The following FRY variants were observed in gnomAD, a reference collection of about 807,000 sequenced individuals.
FRY encodes FRY microtubule binding protein, also known as protein furry homolog.
In FRY, 128 loss-of-function variants were observed where a neutral mutation model predicts 348.4. The observed-to-expected ratio is 0.37, with a 90% CI of 0.32 to 0.43. FRY has a LOEUF of 0.43. Among genes scored for constraint, FRY ranks in the 20% least tolerant of loss-of-function variants. The probability of loss-of-function intolerance (pLI) is 1.00; values close to 1 mark genes in which losing one functional copy is unlikely to be tolerated. For missense variants in FRY, 2,736 were observed against 3,695.2 expected (o/e 0.74, Z 6.73); for synonymous variants, 1,370 against 1,374.7 (o/e 1.00, Z 0.08).
intron 51 of FRY, among the ~76,000 whole-genome samples, chr13:32,261,085 C>G (rs1304802795): frequency 2.0e-5 from 3 of 152,230 alleles, no homozygotes; most frequent in Non-Finnish European, 4.4e-5. Context: ...GTCTTTAACT[C>G]TGCATTGTAT....
chr13:32,033,503 C>T lies in FRY; in HGVS notation c.70+1638C>T, dbSNP rs116829819. Among the ~76,000 whole-genome samples the T allele has an allele frequency of 4.5e-3, 691 of 152,270 alleles. 6 individuals carry two copies. Among genetic ancestry groups the T allele is most frequent in the African/African-American group, 0.015 (634 of 41,558 alleles). On this transcript the variant is annotated intron_variant, in intron 1 of 60. Coordinates refer to ENST00000542859, the MANE Select transcript of FRY (RefSeq NM_023037.3). The stretch of plus-strand genomic sequence containing the variant: ...AAATTTCTCTCCCCTTGTCTATTTT[C>T]AAATCACTCTAGATAAAGTATATAT...
At chr13:32,183,496 G>A (rs1882831799) in intron 24 of FRY, among the ~76,000 whole-genome samples, 1 of 152,216 alleles carries the variant, frequency 6.6e-6, no homozygotes, top group African/African-American at 2.4e-5. Context: ...ACTAGAAAAG[G>A]GCCAGGCGCG....
chr13:32,225,404 T>A (rs1472537708), intron 38 of FRY, among the ~76,000 whole-genome samples: 1 of 152,134 alleles, frequency 6.6e-6, no homozygotes, highest in African/African-American at 2.4e-5. Context: ...CCCTGAGCTT[T>A]GTAGAGCAAA....
At chr13:32,294,184 A>G (rs1348655900) in intron 59 of FRY, among the ~76,000 whole-genome samples, 184 bp from the exon 60 acceptor site, 1 of 152,184 alleles carries the variant, frequency 6.6e-6, no homozygotes, top group East Asian at 1.9e-4. Context: ...ACACATACTC[A>G]ATGCATCCAA....
intron 3 of FRY, among the ~76,000 whole-genome samples, chr13:32,116,731 A>G (rs574472316): frequency 7.2e-5 from 11 of 152,298 alleles, no homozygotes; most frequent in East Asian, 1.9e-4. Context: ...TAGAATAACA[A>G]TTCTACCAAA....
At chr13:32,076,415 A>G (rs1018764295) in intron 1 of FRY, among the ~76,000 whole-genome samples, 9 of 152,152 alleles carry the variant, frequency 5.9e-5, no homozygotes, top group Non-Finnish European at 1.3e-4. Context: ...TCCTTCTCTA[A>G]GCTGGTGTTG....
At chr13:32,236,040 A>G (rs373991939) in intron 42 of FRY, 38 bp from the exon 43 acceptor site, 2 of 1,276,698 alleles carry the variant, frequency 1.6e-6, no homozygotes, top group Non-Finnish European at 2.3e-6. Flanking sequence ...AACAATGGTT[A>G]CAAGCAATAC....
At chr13:32,205,744 G>A (rs61426779) in intron 31 of FRY, among the ~76,000 whole-genome samples, 1,996 of 152,166 alleles carry the variant, frequency 0.013, 46 homozygotes, top group African/African-American at 0.045. Flanking sequence ...AGAAGAGGGA[G>A]TATCAAGATT....
intron 1 of FRY, among the ~76,000 whole-genome samples, chr13:32,040,822 T>G (rs1872718602): frequency 6.6e-6 from 1 of 152,190 alleles, no homozygotes; most frequent in African/African-American, 2.4e-5. Context: ...TTTTTAAATA[T>G]ATGATGATAC....
At position 32,185,121 on chromosome 13, in the gene FRY, G is replaced by A; in HGVS notation, c.3292G>A (p.Val1098Met). The change falls in exon 26 of 61, where the codon GTG (valine) becomes ATG (methionine). Residue 1098 changes from valine (V) to methionine (M), a missense_variant. Coordinates refer to ENST00000542859, the MANE Select transcript of FRY (RefSeq NM_023037.3). ...TATCCGGGCACATTTTAGTGCAATG[G>A]TGGCCAACTTGATTCAGTGTGTTCC... ...KDIRAHFSAM[V>M]ANLIQCVPVH... is the part of the protein sequence containing the mutation. 1.2e-6 allele frequency: 2 copies of A among 1,614,084 alleles called. No individual in the cohort carries two copies. Among genetic ancestry groups the A allele is most frequent in the South Asian group, 1.1e-5 (1 of 91,084 alleles).
At position 32,265,560 on chromosome 13, in the gene FRY, C is replaced by T; in HGVS notation, c.7890C>T (p.Asp2630=). The change falls in exon 54 of 61, where the codon GAC becomes GAT. Residue 2630 remains aspartate (D), a synonymous_variant. Coordinates refer to ENST00000542859, the MANE Select transcript of FRY (RefSeq NM_023037.3). ...AATGCAGCGACAGCTTTAGCCTGGA[C>T]ATGACTGAGGGGGAAGAAAAAGGCA... ...AFECSDSFSL[D]MTEGEEKGNR... The T allele has an allele frequency of 1.2e-6, 2 of 1,614,206 alleles. No individual in the cohort carries two copies. The highest frequency in any genetic ancestry group is 1.7e-6 in the Non-Finnish European group (2 of 1,180,042).
At chr13:32,243,605 A>G (rs1213000879) in intron 46 of FRY, among the ~76,000 whole-genome samples, 1 of 152,208 alleles carries the variant, frequency 6.6e-6, no homozygotes, top group Non-Finnish European at 1.5e-5. Context: ...CAGTTTGATA[A>G]CTGACAGATT....
In FRY at chr13:32,131,663, T is replaced by C; in HGVS notation, c.717-9T>C. On this transcript the variant is annotated splice_polypyrimidine_tract_variant and intron_variant, in intron 7 of 60. Transcript: ENST00000542859. ...AATATTTGATAAACCACTTATGTTA[T>C]CTTCTTAGATTCCCTGCTGTAAAGA... 1.2e-6 allele frequency: 2 copies of C among 1,609,958 alleles called. No individual in the cohort carries two copies. The highest frequency in any genetic ancestry group is 1.7e-6 in the Non-Finnish European group (2 of 1,177,010).
chr13:32,053,067 C>T lies in FRY; in HGVS notation c.70+21202C>T, dbSNP rs189925620. On this transcript the variant is annotated intron_variant, in intron 1 of 60. Coordinates refer to ENST00000542859, the MANE Select transcript of FRY (RefSeq NM_023037.3). ...GGCGGAGGTCGCAATGAGCTGAGAT[C>T]GCACCACTGCACTCCAGCCTGGAAA... 1.3e-4 allele frequency among the ~76,000 whole-genome samples: 20 copies of T among 151,654 alleles called. No homozygotes were observed. The East Asian group carries it at 3.9e-3, about 30-fold the overall frequency.
chr13:32,136,049 C>A (rs866163226), intron 10 of FRY, among the ~76,000 whole-genome samples: 1 of 141,126 alleles, frequency 7.1e-6, no homozygotes, highest in Non-Finnish European at 1.5e-5. Context: ...TAAAAAAAAA[C>A]GACTAATGAA....
Position 32,275,191 on chromosome 13 carries a change from A to C in FRY, c.8286+200A>C, listed in dbSNP as rs571394674. 357 of 473,912 alleles carry C rather than the reference A, an allele frequency of 7.5e-4. 7 individuals carry two copies. Among genetic ancestry groups the C allele is most frequent in the South Asian group, 7.1e-3 (336 of 47,218 alleles). 29.4% of individuals were successfully genotyped at this position (473,912 alleles called of 1,614,324 possible). On this transcript the variant is annotated intron_variant, in intron 56 of 60. Transcript: ENST00000542859. ...CAGGAGATCGAGACCATCCTGGCTAACACGGTGAAACCCCGTATCTATTAA... is the reference window on the plus strand; with the variant it reads ...CAGGAGATCGAGACCATCCTGGCTACCACGGTGAAACCCCGTATCTATTAA...
At chr13:32,067,286 G>A (rs762292802) in intron 1 of FRY, among the ~76,000 whole-genome samples, 31 of 152,198 alleles carry the variant, frequency 2.0e-4, no homozygotes, top group South Asian at 4.1e-4. Flanking sequence ...CACCTACTGC[G>A]TGGCCCAGAA....
intron 10 of FRY, 33 bp from the exon 11 acceptor site, chr13:32,136,838 A>G (rs370400865): frequency 1.8e-6 from 2 of 1,123,102 alleles, no homozygotes; most frequent in African/African-American, 3.0e-5. Context: ...TGAAATATAA[A>G]TGATCCTGTG....
chr13:32,036,333 C>T (rs1052604824), intron 1 of FRY, among the ~76,000 whole-genome samples: 1 of 152,158 alleles, frequency 6.6e-6, no homozygotes, highest in African/African-American at 2.4e-5. Context: ...AGTGTCCCAT[C>T]CACACCCTCT....
Sources: allele counts gnomAD v4.1 joint callset (sites outside exome capture counted in the v4.1 genomes callset), GRCh38; gene constraint gnomAD v4.1.1; transcripts MANE v1.5; gene names NCBI Gene and HGNC (gene_info 2026-07-23, HGNC 2026-07-21).